Variants in ADORA1 observed in about 807,000 individuals in gnomAD.
ADORA1 encodes adenosine receptor A1.
ADORA1 carries 6 observed loss-of-function variants against 19.9 expected under a neutral mutation model. That is an observed-to-expected ratio of 0.30 (90% CI 0.17 to 0.59). The LOEUF (loss-of-function observed/expected upper bound fraction) is 0.59. ADORA1 is among the 20% of genes least tolerant of loss of function. The pLI is 0.87. For synonymous variants in ADORA1, 194 were observed against 188.4 expected, an observed-to-expected ratio of 1.03 and a Z score of -0.24; for missense variants, 302 against 439.2, an observed-to-expected ratio of 0.69 and a Z score of 2.79.
At chr1:203,159,129 A>G (rs1655286280) in intron 3 of ADORA1, among the ~76,000 whole-genome samples, 1 of 152,142 alleles carries the variant, frequency 6.6e-6, no homozygotes, top group African/African-American at 2.4e-5. Flanking sequence ...TCAAAGCCAT[A>G]TGCTTCTCCT....
chr1:203,144,847 A>C (rs1654811263), intron 3 of ADORA1: 1 of 152,202 alleles, frequency 6.6e-6, no homozygotes, highest in South Asian at 2.1e-4. Context: ...TGACAGGAAG[A>C]GTAGGGCCTG....
chr1:203,154,482 G>T (rs1655132738), intron 3 of ADORA1, among the ~76,000 whole-genome samples: 1 of 152,162 alleles, frequency 6.6e-6, no homozygotes, highest in African/African-American at 2.4e-5. Flanking sequence ...GTAACAACAG[G>T]AAGCTACCCC....
intron 3 of ADORA1, among the ~76,000 whole-genome samples, chr1:203,154,152 GC>G (rs1437187820): frequency 3.9e-5 from 6 of 152,326 alleles, no homozygotes; most frequent in African/African-American, 1.4e-4. Context: ...TCTGGTCTCA[GC>G]AGTTGACAGG....
chr1:203,151,595 T>C (rs375913784), intron 3 of ADORA1, among the ~76,000 whole-genome samples: 2 of 152,182 alleles, frequency 1.3e-5, no homozygotes, highest in Non-Finnish European at 1.5e-5. Flanking sequence ...CTACTGTTCA[T>C]TGAGTGCCCA....
At chr1:203,156,277 T>C (rs1196884662) in intron 3 of ADORA1, among the ~76,000 whole-genome samples, 1 of 152,108 alleles carries the variant, frequency 6.6e-6, no homozygotes, top group African/African-American at 2.4e-5. Context: ...CAGGAAATGC[T>C]ATCAGGAAAA....
intron 3 of ADORA1, among the ~76,000 whole-genome samples, chr1:203,131,954 G>A (rs1270697994): frequency 2.0e-5 from 3 of 152,202 alleles, no homozygotes; most frequent in African/African-American, 4.8e-5. Flanking sequence ...CTGGTGAGGC[G>A]TGTCTGGGGC....
intron 3 of ADORA1, among the ~76,000 whole-genome samples, chr1:203,141,305 T>C (rs1268463174): frequency 6.6e-6 from 1 of 152,186 alleles, no homozygotes; most frequent in Non-Finnish European, 1.5e-5. Flanking sequence ...GCAGGGTTGG[T>C]GTGGGCGGTG....
At chr1:203,135,575 A>G (rs1233959817) in intron 3 of ADORA1, among the ~76,000 whole-genome samples, 16 of 151,914 alleles carry the variant, frequency 1.1e-4, no homozygotes, top group Admixed American at 1.0e-3. Flanking sequence ...GGAGAATTGC[A>G]TGAATCCAAG....
At chr1:203,138,508 A>C (rs1021562553) in intron 3 of ADORA1, among the ~76,000 whole-genome samples, 3 of 152,222 alleles carry the variant, frequency 2.0e-5, no homozygotes, top group Admixed American at 6.5e-5. Context: ...AAGAAAACTC[A>C]GACCCAGTGT....
At chr1:203,143,229 G>T (rs1654751456) in intron 3 of ADORA1, among the ~76,000 whole-genome samples, 1 of 152,174 alleles carries the variant, frequency 6.6e-6, no homozygotes, top group Non-Finnish European at 1.5e-5. Flanking sequence ...GGGCCTCCTT[G>T]CTGCGTCACA....
chr1:203,154,052 C>G (rs35195607), intron 3 of ADORA1, among the ~76,000 whole-genome samples: 1 of 152,168 alleles, frequency 6.6e-6, no homozygotes, highest in South Asian at 2.1e-4. Flanking sequence ...TCTGCCACCC[C>G]CCGGCCCTCC....
Position 203,128,406 on chromosome 1 carries a change from G to C in ADORA1, c.-84G>C. The C allele has an allele frequency of 7.7e-7, 1 of 1,292,064 alleles. No individual in the cohort carries two copies. The highest frequency in any genetic ancestry group is 1.0e-6 in the Non-Finnish European group (1 of 990,644). 80.0% of individuals were successfully genotyped at this position (1,292,064 alleles called of 1,614,324 possible). ...CTGGAACTTTGGGCACTGCCTCTGG[G>C]ACCCCTGCCGGCCAGCAGGCAGGAT... On this transcript the variant is annotated 5_prime_UTR_variant, in exon 2 of 4. Coordinates refer to ENST00000337894, the MANE Select transcript of ADORA1 (RefSeq NM_000674.3). This position sits in a 1 kb window ranked among gnomAD's most constrained non-coding sequence, Gnocchi z 5.9.
rs201926731 is a variant in ADORA1 at position 203,165,422 on chromosome 1, A to C, written c.503A>C (p.Lys168Thr). Residue 168 changes from lysine to threonine, a missense_variant, in exon 4 of 4, where the codon AAG becomes ACG. Transcript: ENST00000337894. The surrounding 1 kb of genome is among the most constrained non-coding windows in gnomAD (Gnocchi z 5.9). ...ANGSMGEPVIKCEFEKVISME... is the reference protein window; with the variant it reads ...ANGSMGEPVITCEFEKVISME... ...GGCAGCATGGGGGAGCCCGTGATCA[A>C]GTGCGAGTTCGAGAAGGTCATCAGC... The C allele has an allele frequency of 3.8e-5, 61 of 1,612,698 alleles. No individual in the cohort carries two copies. The highest frequency in any genetic ancestry group is 5.0e-5 in the Non-Finnish European group (59 of 1,179,444).
intron 3 of ADORA1, among the ~76,000 whole-genome samples, chr1:203,147,871 A>G (rs1487679960): frequency 6.6e-6 from 1 of 152,210 alleles, no homozygotes; most frequent in African/African-American, 2.4e-5. Flanking sequence ...ATTACGTTGT[A>G]CCCCATAAAT....
intron 3 of ADORA1, among the ~76,000 whole-genome samples, chr1:203,157,510 A>T (rs1253415874): frequency 1.3e-5 from 2 of 152,216 alleles, no homozygotes; most frequent in Non-Finnish European, 2.9e-5. Context: ...CTGGAGTTGC[A>T]TGCTGGTGGT....
At chr1:203,161,864 C>T (rs185637574) in intron 3 of ADORA1, among the ~76,000 whole-genome samples, 18 of 152,066 alleles carry the variant, frequency 1.2e-4, no homozygotes, top group Middle Eastern at 3.4e-3. Context: ...CGTAAGCCAC[C>T]GCGCCCGGCC....
Position 203,165,728 on chromosome 1 carries a change from C to T in ADORA1, c.809C>T (p.Thr270Ile), listed in dbSNP as rs749274582. Residue 270 changes from threonine to isoleucine, a missense_variant, in exon 4 of 4, where the codon ACC becomes ATC. Thr to Ile is a moderately conservative substitution (Grantham distance 89, BLOSUM62 -1). Transcript: ENST00000337894. This position sits in a 1 kb window ranked among gnomAD's most constrained non-coding sequence, Gnocchi z 5.9. ...CPSCHKPSIL[T>I]YIAIFLTHGN... The stretch of plus-strand genomic sequence containing the variant: ...TCCTGCCACAAGCCCAGCATCCTTA[C>T]CTACATTGCCATCTTCCTCACGCAC... 1.9e-6 allele frequency: 3 copies of T among 1,613,274 alleles called. No homozygotes were observed. Among genetic ancestry groups the T allele is most frequent in the East Asian group, 4.5e-5 (2 of 44,868 alleles).
chr1:203,151,250 A>G (rs1655023219), intron 3 of ADORA1, among the ~76,000 whole-genome samples: 1 of 152,102 alleles, frequency 6.6e-6, no homozygotes, highest in Non-Finnish European at 1.5e-5. Flanking sequence ...GTGGAGCTTT[A>G]CTGGGGTTCT....
chr1:203,161,375 T>A (rs553837504), intron 3 of ADORA1, among the ~76,000 whole-genome samples: 3 of 152,116 alleles, frequency 2.0e-5, no homozygotes, highest in Non-Finnish European at 4.4e-5. Context: ...GAGGTCGAAG[T>A]GGGAGAATTG....
Sources: gnomAD v4.1 joint callset for allele counts (sites outside exome capture counted in the v4.1 genomes callset) on GRCh38, gnomAD v4.1.1 for gene constraint, Gnocchi (gnomAD v3.1) non-coding constraint, MANE v1.5 for transcripts, NCBI Gene and HGNC (gene_info 2026-07-23, HGNC 2026-07-21) for gene names.